HAUS2: variants seen among roughly 807,000 people sequenced by gnomAD.
HAUS2 encodes HAUS augmin-like complex subunit 2.
In HAUS2, 20 loss-of-function variants were observed where a neutral mutation model predicts 21.6. The ratio of observed to expected loss-of-function variants is 0.93; its 90% CI spans 0.65 to 1.35. The LOEUF is 1.35. Ranked by LOEUF, HAUS2 falls within the 40% of genes most tolerant of loss-of-function variation. HAUS2 has a pLI of 0.00. For synonymous variants in HAUS2, 113 were observed against 95.6 expected, an observed-to-expected ratio of 1.18 and a Z score of -1.06; for missense variants, 297 against 280.7, an observed-to-expected ratio of 1.06 and a Z score of -0.42.
chr15:42,558,566 A>T (rs1300845966), intron 2 of HAUS2, among the ~76,000 whole-genome samples: 1 of 151,904 alleles, frequency 6.6e-6, no homozygotes, highest in Non-Finnish European at 1.5e-5. Flanking sequence ...TGACCCCATG[A>T]TCTGCCCGCC....
intron 5 of HAUS2, 106 bp from the exon 6 acceptor site, chr15:42,566,501 A>G: frequency 1.5e-6 from 1 of 679,426 alleles, no homozygotes. Context: ...TTTTGAAGTA[A>G]GGGGCTGGAA....
intron 4 of HAUS2, among the ~76,000 whole-genome samples, chr15:42,562,209 G>C (rs2141603379): frequency 6.6e-6 from 1 of 152,246 alleles, no homozygotes; most frequent in East Asian, 1.9e-4. Context: ...TTCTCCGCCA[G>C]TGCCTCACTA....
chr15:42,556,000 G>A (rs1429561541), intron 1 of HAUS2, among the ~76,000 whole-genome samples: 1 of 152,226 alleles, frequency 6.6e-6, no homozygotes, highest in South Asian at 2.1e-4. Flanking sequence ...AGGCTGGAGT[G>A]CAGTGGCGCG....
intron 3 of HAUS2, among the ~76,000 whole-genome samples, chr15:42,560,497 T>A (rs1195250497): frequency 6.6e-6 from 1 of 152,152 alleles, no homozygotes; most frequent in African/African-American, 2.4e-5. Context: ...TTCACCAAGC[T>A]TTTTTTGAAA....
intron 3 of HAUS2, among the ~76,000 whole-genome samples, 161 bp downstream of exon 3, chr15:42,559,569 G>T (rs931842436): frequency 6.6e-6 from 1 of 152,130 alleles, no homozygotes; most frequent in Non-Finnish European, 1.5e-5. Context: ...TAGAAGTTCT[G>T]TTGGCTTGAG....
chr15:42,562,208 A>G (rs2057859435), intron 4 of HAUS2, among the ~76,000 whole-genome samples: 1 of 152,198 alleles, frequency 6.6e-6, no homozygotes, highest in Non-Finnish European at 1.5e-5. Context: ...TTTCTCCGCC[A>G]GTGCCTCACT....
At position 42,568,231 on chromosome 15, in the gene HAUS2, TCATAA is replaced by T. The variant is rs1180802329; in HGVS notation, c.*1418_*1422del. On this transcript the variant is annotated 3_prime_UTR_variant, in exon 6 of 6. Coordinates refer to ENST00000260372, the MANE Select transcript of HAUS2 (RefSeq NM_018097.3). The stretch of plus-strand genomic sequence containing the variant: ...GAAGGTATCTTAGTCTGTTCTGCTG[TCATAA>T]CAGAATTACACAAACTAAGTATTTT... The T allele has an allele frequency of 1.3e-5, 2 of 152,224 alleles. No homozygotes were observed. Among genetic ancestry groups the T allele is most frequent in the African/African-American group, 4.8e-5 (2 of 41,458 alleles). The allele number at this position is 152,224 out of a possible 1,614,324, so 9.4% of individuals were successfully genotyped here. A position where few individuals can be genotyped will look rare whatever the true frequency, so the allele number is the denominator to read the frequency against.
At chr15:42,562,909 T>A (rs935015438) in intron 4 of HAUS2, among the ~76,000 whole-genome samples, 1 of 151,880 alleles carries the variant, frequency 6.6e-6, no homozygotes, top group African/African-American at 2.4e-5. Flanking sequence ...AGCTGGGAGT[T>A]TGAGACCAGC....
At chr15:42,559,004 T>C (rs1389000228) in intron 2 of HAUS2, among the ~76,000 whole-genome samples, 1 of 152,116 alleles carries the variant, frequency 6.6e-6, no homozygotes, top group Non-Finnish European at 1.5e-5. Context: ...CCTTTGAACT[T>C]AGAACAGTGT....
At position 42,567,171 on chromosome 15, in the gene HAUS2, G is replaced by A. The variant is rs147780325; in HGVS notation, c.*355G>A. 2.6e-3 allele frequency: 471 copies of A among 182,462 alleles called. No individual in the cohort carries two copies. The highest frequency in any genetic ancestry group is 0.011 in the African/African-American group (444 of 41,508). 11.3% of individuals were successfully genotyped at this position (182,462 alleles called of 1,614,324 possible). ...TCCTAACACTTGGGGAGGCTGAGGC[G>A]GGCAGATCACTTAAACCCAGGAGTT... On this transcript the variant is annotated 3_prime_UTR_variant, in exon 6 of 6. Transcript: ENST00000260372.
chr15:42,554,129 T>C (rs1010611814), intron 1 of HAUS2, among the ~76,000 whole-genome samples: 2 of 152,152 alleles, frequency 1.3e-5, no homozygotes, highest in African/African-American at 4.8e-5. Flanking sequence ...AACTCCCATC[T>C]TTTCTTCCTT....
At chr15:42,549,773 A>G (rs2057702195) in intron 1 of HAUS2, among the ~76,000 whole-genome samples, 1 of 137,048 alleles carries the variant, frequency 7.3e-6, no homozygotes, top group African/African-American at 3.4e-5. Context: ...GGCAAAAAAA[A>G]AAAAAAAAAA....
intron 3 of HAUS2, among the ~76,000 whole-genome samples, chr15:42,560,012 C>A (rs193171970): frequency 3.9e-5 from 6 of 152,156 alleles, no homozygotes; most frequent in Admixed American, 3.9e-4. Context: ...AAAAACTAGC[C>A]AGCATTGTAG....
chr15:42,562,434 A>G (rs2057861764), intron 4 of HAUS2, among the ~76,000 whole-genome samples: 1 of 152,186 alleles, frequency 6.6e-6, no homozygotes, highest in Non-Finnish European at 1.5e-5. Context: ...ATCTCTACCA[A>G]AACATACGAA....
At chr15:42,551,649 AC>A (rs1485604761) in intron 1 of HAUS2, among the ~76,000 whole-genome samples, 2 of 152,106 alleles carry the variant, frequency 1.3e-5, no homozygotes, top group Non-Finnish European at 2.9e-5. Flanking sequence ...TCAAAAAAAA[AC>A]AACCCCCCAA....
chr15:42,562,656 T>C lies in HAUS2; in HGVS notation c.390-1093T>C, dbSNP rs992186811. On this transcript the variant is annotated intron_variant, in intron 4 of 5. Transcript: ENST00000260372. Reference sequence around the variant, plus strand: ...TCAGTATCTGTTTAGTACATTATCATTACCCTTAATGTATATATTGTACTA... The same window carrying C: ...TCAGTATCTGTTTAGTACATTATCACTACCCTTAATGTATATATTGTACTA... Among the ~76,000 whole-genome samples, 18 of 152,344 alleles carry C rather than the reference T, an allele frequency of 1.2e-4. No individual in the cohort carries two copies. In the South Asian group the frequency reaches 3.7e-3, roughly 32 times the overall value.
intron 2 of HAUS2, 24 bp downstream of exon 2, chr15:42,558,314 CTTTTTTTT>C (rs547363768): frequency 6.7e-5 from 25 of 373,846 alleles, no homozygotes; most frequent in East Asian, 1.5e-4. Context: ...TTTTCACTTT[CTTTTTTTT>C]TTTTTTTTTT....
At chr15:42,552,606 G>A (rs1184605809) in intron 1 of HAUS2, among the ~76,000 whole-genome samples, 1 of 152,082 alleles carries the variant, frequency 6.6e-6, no homozygotes, top group African/African-American at 2.4e-5. Flanking sequence ...AGGATAATGG[G>A]GTATTGCTTT....
intron 1 of HAUS2, among the ~76,000 whole-genome samples, chr15:42,551,271 C>G (rs189620237): frequency 2.0e-5 from 3 of 152,142 alleles, no homozygotes; most frequent in African/African-American, 7.2e-5. Context: ...CTGAACCCAG[C>G]CTTTTTCTTC....
Sources: gnomAD v4.1 joint callset for allele counts (sites outside exome capture counted in the v4.1 genomes callset) on GRCh38, gnomAD v4.1.1 for gene constraint, MANE v1.5 for transcripts, NCBI Gene and HGNC (gene_info 2026-07-23, HGNC 2026-07-21) for gene names.